Variants in ABCD2 observed in about 807,000 individuals in gnomAD.
ABCD2 encodes ATP binding cassette subfamily D member 2.
ABCD2 carries 36 observed loss-of-function variants against 70.9 expected under a neutral mutation model. The observed-to-expected ratio is 0.51, with a 90% CI of 0.39 to 0.67. The LOEUF is 0.67. Among genes scored for constraint, ABCD2 ranks in the 30% least tolerant of loss-of-function variants. The pLI is 0.00. For synonymous variants in ABCD2, 304 were observed against 306.9 expected (o/e 0.99, Z 0.10); for missense variants, 729 against 890.2 (o/e 0.82, Z 2.30).
chr12:39,547,308 T>G (rs144917547), downstream of ABCD2, among the ~76,000 whole-genome samples: 257 of 152,086 alleles, frequency 1.7e-3, no homozygotes, highest in African/African-American at 5.9e-3. Flanking sequence ...AAATAAAAAC[T>G]CAGCAATTCA....
At chr12:39,588,031 C>T (rs76148143) in intron 6 of ABCD2, among the ~76,000 whole-genome samples, 6,690 of 151,972 alleles carry the variant, frequency 0.044, 192 homozygotes, top group African/African-American at 0.082. Flanking sequence ...GGATTGGTTA[C>T]GTAAGTAAAT....
chr12:39,532,396 CA>C, the ABCD2 span, among the ~76,000 whole-genome samples: 1 of 152,056 alleles, frequency 6.6e-6, no homozygotes, highest in Admixed American at 6.6e-5. Flanking sequence ...CACACAAATA[CA>C]AAGTAAAGAA....
rs1186781118 is a variant in ABCD2, at chr12:39,586,295, G to A, written c.1649C>T (p.Pro550Leu). Residue 550 changes from proline (P) to leucine (L), a missense_variant and splice_region_variant, in exon 7 of 10, where the codon CCA becomes CTA. Physicochemically the swap from Pro to Leu is moderately conservative, Grantham distance 98 (BLOSUM62 -3). Transcript: ENST00000308666. ...PQHMFYIPQR[P>L]YMSLGSLRDQ... ...CCGAAGACTTCCAAGAGACATATAT[G>A]GCCTTTAAAACACCAAGCACACAAG... The A allele has an allele frequency of 1.9e-6, 3 of 1,608,726 alleles. No individual in the cohort carries two copies. Among genetic ancestry groups the A allele is most frequent in the Non-Finnish European group, 1.7e-6 (2 of 1,178,042 alleles).
chr12:39,594,991 A>C (rs990238356), intron 6 of ABCD2, among the ~76,000 whole-genome samples: 1 of 152,058 alleles, frequency 6.6e-6, no homozygotes, highest in African/African-American at 2.4e-5. Context: ...TGGTGAACCC[A>C]GGAGGCAGAG....
chr12:39,569,596 T>A (rs1941416772), intron 9 of ABCD2, among the ~76,000 whole-genome samples: 2 of 152,138 alleles, frequency 1.3e-5, no homozygotes, highest in Non-Finnish European at 2.9e-5. Flanking sequence ...TGCCTCGCCC[T>A]GCTTCGCCTC....
the ABCD2 span, among the ~76,000 whole-genome samples, chr12:39,544,675 G>A: frequency 1.3e-5 from 2 of 152,084 alleles, no homozygotes; most frequent in African/African-American, 2.4e-5. Flanking sequence ...TTAATCTTAA[G>A]GTGTAGATTA....
intron 6 of ABCD2, among the ~76,000 whole-genome samples, chr12:39,594,275 T>C (rs1941784773): frequency 6.6e-6 from 1 of 152,106 alleles, no homozygotes; most frequent in African/African-American, 2.4e-5. Flanking sequence ...GACTTAAACC[T>C]CTTTAAGTTT....
At chr12:39,611,813 A>T (rs1021105981) in intron 2 of ABCD2, among the ~76,000 whole-genome samples, 9 of 150,842 alleles carry the variant, frequency 6.0e-5, no homozygotes, top group Admixed American at 3.3e-4. Flanking sequence ...GTGTATGTGT[A>T]TGTGTGTGTG....
the ABCD2 span, among the ~76,000 whole-genome samples, chr12:39,534,677 G>GGGAAGGAA: frequency 2.6e-4 from 21 of 80,752 alleles, 1 homozygote; most frequent in South Asian, 1.1e-3. Flanking sequence ...AAGAGAGAGA[G>GGGAAGGAA]GGAAGGAAGG....
intron 8 of ABCD2, 120 bp from the exon 9 acceptor site, chr12:39,573,961 T>A: frequency 1.1e-6 from 1 of 937,882 alleles, no homozygotes; most frequent in Non-Finnish European, 1.5e-6. Flanking sequence ...ATGGCATTAT[T>A]AAAGGCAATA....
intron 9 of ABCD2, among the ~76,000 whole-genome samples, chr12:39,568,300 T>C (rs1941390077): frequency 6.6e-6 from 1 of 152,234 alleles, no homozygotes; most frequent in Non-Finnish European, 1.5e-5. Context: ...CATAGTCCCA[T>C]ATTTCTTGGA....
chr12:39,611,215 C>T (rs1391289527), intron 2 of ABCD2, among the ~76,000 whole-genome samples: 2 of 151,908 alleles, frequency 1.3e-5, no homozygotes, highest in Admixed American at 6.6e-5. Context: ...AAGAGTGAAG[C>T]CTAATGTAAA....
chr12:39,616,515 C>T (rs1220058052), intron 2 of ABCD2, among the ~76,000 whole-genome samples: 1 of 152,030 alleles, frequency 6.6e-6, no homozygotes, highest in Non-Finnish European at 1.5e-5. Flanking sequence ...AAGCAATATT[C>T]CTGCTTGCCC....
At chr12:39,606,488 C>T (rs1304049345) in intron 3 of ABCD2, among the ~76,000 whole-genome samples, 1 of 152,088 alleles carries the variant, frequency 6.6e-6, no homozygotes, top group Admixed American at 6.5e-5. Context: ...ATTTCTCTAA[C>T]CTAGATAGCA....
At chr12:39,592,617 C>G (rs1205165910) in intron 6 of ABCD2, among the ~76,000 whole-genome samples, 1 of 152,192 alleles carries the variant, frequency 6.6e-6, no homozygotes, top group Non-Finnish European at 1.5e-5. Flanking sequence ...TTGAGGGCAG[C>G]AGGACAATAG....
intron 9 of ABCD2, among the ~76,000 whole-genome samples, chr12:39,556,635 T>C (rs550065417): frequency 2.0e-5 from 3 of 152,154 alleles, no homozygotes; most frequent in Non-Finnish European, 4.4e-5. Context: ...CAGTTCTTTA[T>C]AGCGATATGA....
chr12:39,566,090 C>CT (rs1566539267), intron 9 of ABCD2, among the ~76,000 whole-genome samples: 2 of 152,218 alleles, frequency 1.3e-5, no homozygotes, highest in South Asian at 2.1e-4. Context: ...CTAAAATTCT[C>CT]TTTTTTTGTT....
intron 7 of ABCD2, among the ~76,000 whole-genome samples, chr12:39,584,951 T>A (rs1020131919): frequency 1.3e-5 from 2 of 152,214 alleles, no homozygotes; most frequent in Admixed American, 6.5e-5. Flanking sequence ...TGGGGCAGCA[T>A]GATGCCTCCA....
At chr12:39,554,436 A>C (rs1434891334) in intron 9 of ABCD2, among the ~76,000 whole-genome samples, 1 of 152,118 alleles carries the variant, frequency 6.6e-6, no homozygotes, top group African/African-American at 2.4e-5. Flanking sequence ...CTGAATAAAT[A>C]GTAAGGCATT....
Sources: gnomAD v4.1 joint callset for allele counts (sites outside exome capture counted in the v4.1 genomes callset) on GRCh38, gnomAD v4.1.1 for gene constraint, MANE v1.5 for transcripts, NCBI Gene and HGNC (gene_info 2026-07-23, HGNC 2026-07-21) for gene names.